The following CRYL1 variants were observed in gnomAD, a reference collection of about 807,000 sequenced individuals.
The protein encoded by CRYL1 is crystallin lambda 1, also known as lambda-crystallin homolog.
In CRYL1, 29 loss-of-function variants were observed where a neutral mutation model predicts 36.6. The ratio of observed to expected loss-of-function variants is 0.79; its 90% confidence interval spans 0.59 to 1.08. The LOEUF is 1.08. Among genes scored for constraint, CRYL1 ranks in the 50% least tolerant of loss-of-function variants. The pLI, the probability that CRYL1 is intolerant of heterozygous loss-of-function variation, is 0.00. For missense variants in CRYL1, 411 were observed against 407.9 expected (o/e 1.01, Z -0.06); for synonymous variants, 152 against 151.5 (o/e 1.00, Z -0.02).
chr13:20,412,253 C>T (rs936472333), intron 6 of CRYL1, among the ~76,000 whole-genome samples: 1 of 152,058 alleles, frequency 6.6e-6, no homozygotes, highest in Non-Finnish European at 1.5e-5. Context: ...ACTCCACTTC[C>T]GCCCCCACAA....
rs548376905 is a variant in CRYL1 at position 20,409,489 on chromosome 13, A to G, written c.739+3793T>C. 1.8e-3 allele frequency among the ~76,000 whole-genome samples: 269 copies of G among 150,684 alleles called. 2 individuals carry two copies. Among genetic ancestry groups the G allele is most frequent in the African/African-American group, 6.3e-3 (262 of 41,412 alleles). On this transcript the variant is annotated intron_variant, in intron 6 of 7. Transcript: ENST00000298248. ...AGGCATGGGCAAGGACTTCATGTCT[A>G]AAACACCAAAAGCAATGGCAACAAA...
intron 2 of CRYL1, among the ~76,000 whole-genome samples, chr13:20,491,660 G>A (rs546635587): frequency 4.7e-4 from 71 of 152,264 alleles, no homozygotes; most frequent in African/African-American, 1.6e-3. Context: ...GCGTGATGGT[G>A]CACACCTGTA....
intron 5 of CRYL1, among the ~76,000 whole-genome samples, chr13:20,417,146 T>C (rs977686136): frequency 1.3e-5 from 2 of 152,180 alleles, no homozygotes; most frequent in Admixed American, 1.3e-4. Flanking sequence ...AAGGCAAACG[T>C]TTGAGTTTCT....
In CRYL1 at chr13:20,415,068, C is replaced by T. The variant is rs1370085059; in HGVS notation, c.634-1681G>A. ...CGCGCCCTTCCCATCGCGGCCTGGG[C>T]GGGCCCGCCTGCCCTCGGCTGAGCC... On this transcript the variant is annotated intron_variant, in intron 5 of 7. Coordinates refer to ENST00000298248, the MANE Select transcript of CRYL1 (RefSeq NM_015974.3). This position sits in a 1 kb window ranked among gnomAD's most constrained non-coding sequence, Gnocchi z 4.1. Among the ~76,000 whole-genome samples the T allele has an allele frequency of 6.6e-6, 1 of 152,186 alleles. No homozygotes were observed.
chr13:20,451,039 C>T (rs1426198259), intron 3 of CRYL1, among the ~76,000 whole-genome samples: 1 of 138,030 alleles, frequency 7.2e-6, no homozygotes, highest in Non-Finnish European at 1.5e-5. Flanking sequence ...GGGTGGGGAA[C>T]ATCACACACC....
In CRYL1 at chr13:20,486,015, C is replaced by A. The variant is rs74672102; in HGVS notation, c.276+3355G>T. Among the ~76,000 whole-genome samples the A allele has an allele frequency of 2.6e-4, 39 of 152,200 alleles. No individual in the cohort carries two copies. The East Asian group carries it at 6.8e-3, about 27-fold the overall frequency. On this transcript the variant is annotated intron_variant, in intron 3 of 7. Coordinates refer to ENST00000298248, the MANE Select transcript of CRYL1 (RefSeq NM_015974.3). The stretch of plus-strand genomic sequence containing the variant: ...CCCACTGCAACCTCCACCTCCCAGA[C>A]TCAGGAAATCCTCCCACCTCAGCCT...
At chr13:20,485,076 G>C in intron 3 of CRYL1, among the ~76,000 whole-genome samples, 1 of 152,102 alleles carries the variant, frequency 6.6e-6, no homozygotes, top group East Asian at 1.9e-4. Flanking sequence ...GGAGTGCAGT[G>C]GCTCCATCTC....
Position 20,481,265 on chromosome 13 carries a change from A to G in CRYL1, c.276+8105T>C, listed in dbSNP as rs1207833094. Reference sequence around the variant, plus strand: ...TAGTAATGTCATACCACTCAGCAACAAATTACCAATCAACACAACCACACA... The same window carrying G: ...TAGTAATGTCATACCACTCAGCAACGAATTACCAATCAACACAACCACACA... On this transcript the variant is annotated intron_variant, in intron 3 of 7. Coordinates refer to ENST00000298248, the MANE Select transcript of CRYL1 (RefSeq NM_015974.3). The surrounding 1 kb of genome is among the most constrained non-coding windows in gnomAD (Gnocchi z 4.1). Among the ~76,000 whole-genome samples the G allele has an allele frequency of 1.3e-5, 2 of 152,224 alleles. No homozygotes were observed. The highest frequency in any genetic ancestry group is 2.9e-5 in the Non-Finnish European group (2 of 68,040).
intron 1 of CRYL1, among the ~76,000 whole-genome samples, chr13:20,519,220 T>A (rs2034054027): frequency 6.6e-6 from 1 of 150,766 alleles, no homozygotes; most frequent in African/African-American, 2.4e-5. Flanking sequence ...CAAAAGGGAG[T>A]GCCAGTGAGA....
intron 2 of CRYL1, among the ~76,000 whole-genome samples, chr13:20,510,858 T>C (rs61955507): frequency 1.3e-3 from 203 of 151,900 alleles, no homozygotes; most frequent in Middle Eastern, 3.4e-3. Context: ...GGCAAAAGGG[T>C]TTATTACGAG....
chr13:20,429,847 C>T (rs943474714), intron 5 of CRYL1, among the ~76,000 whole-genome samples: 1 of 152,168 alleles, frequency 6.6e-6, no homozygotes, highest in Admixed American at 6.5e-5. Flanking sequence ...CCTGGCTCTA[C>T]CCAATTAACA....
At chr13:20,507,919 CAA>C (rs765568009) in intron 2 of CRYL1, among the ~76,000 whole-genome samples, 1 of 110,886 alleles carries the variant, frequency 9.0e-6, no homozygotes. Context: ...CTTTTCATCT[CAA>C]AAAAAAAAAG....
chr13:20,488,556 A>C lies in CRYL1; in HGVS notation c.276+814T>G, dbSNP rs201787996. On this transcript the variant is annotated intron_variant, in intron 3 of 7. Transcript: ENST00000298248. ...AGAGCAGGAAATGACCAGAGAACAC[A>C]CACAGCCTTTTCGGTTTGCTTCCAA... Among the ~76,000 whole-genome samples, 11 of 152,372 alleles carry C rather than the reference A, an allele frequency of 7.2e-5. No individual in the cohort carries two copies. The East Asian group carries it at 1.9e-3, about 27-fold the overall frequency.
intron 2 of CRYL1, among the ~76,000 whole-genome samples, chr13:20,509,884 C>T (rs192211023): frequency 7.2e-5 from 11 of 152,264 alleles, no homozygotes; most frequent in Non-Finnish European, 1.3e-4. Context: ...GAGCCGAGAT[C>T]GTGCCATTGC....
chr13:20,467,296 A>G (rs1343772984), intron 3 of CRYL1, among the ~76,000 whole-genome samples: 2 of 152,194 alleles, frequency 1.3e-5, no homozygotes, highest in Non-Finnish European at 2.9e-5. Context: ...GTACTATGCT[A>G]TATATTATTT....
chr13:20,502,193 C>T (rs779156903), intron 2 of CRYL1, among the ~76,000 whole-genome samples: 38 of 152,292 alleles, frequency 2.5e-4, no homozygotes, highest in Admixed American at 1.0e-3. Context: ...CCTTAGACTT[C>T]GGGATCTGCA....
chr13:20,408,024 C>T (rs921817703), intron 6 of CRYL1, among the ~76,000 whole-genome samples: 3 of 152,192 alleles, frequency 2.0e-5, no homozygotes, highest in East Asian at 1.9e-4. Context: ...TTTTCTTTCA[C>T]GCAGCTATGA....
rs1023916885 is a variant in CRYL1 at position 20,507,370 on chromosome 13, G to C, written c.149+5073C>G. 1.3e-5 allele frequency among the ~76,000 whole-genome samples: 2 copies of C among 152,052 alleles called. 1 individual carries two copies. Among genetic ancestry groups the C allele is most frequent in the South Asian group, 4.2e-4 (2 of 4,818 alleles). The stretch of plus-strand genomic sequence containing the variant: ...TCTATGGCTGCTTTTACTTTACAAC[G>C]AACGGCTGAAACAGAGACCATATGA... On this transcript the variant is annotated intron_variant, in intron 2 of 7. Coordinates refer to ENST00000298248, the MANE Select transcript of CRYL1 (RefSeq NM_015974.3).
In CRYL1 at chr13:20,525,674, C is replaced by G; in HGVS notation, c.41+80G>C. On this transcript the variant is annotated intron_variant, in intron 1 of 7. Transcript: ENST00000298248. This position sits in a 1 kb window ranked among gnomAD's most constrained non-coding sequence, Gnocchi z 4.3. ...GGGGACAGCGACCCGGCGCCCACCC[C>G]GAGGGCCCCACGCGAGGGCACCACG... The G allele has an allele frequency of 8.4e-7, 1 of 1,186,362 alleles. No individual in the cohort carries two copies. The highest frequency in any genetic ancestry group is 3.9e-5 in the Admixed American group (1 of 25,712). 73.5% of individuals were successfully genotyped at this position (1,186,362 alleles called of 1,614,324 possible). A position where few individuals can be genotyped will look rare whatever the true frequency, so the allele number is the denominator to read the frequency against.
Sources: gnomAD v4.1 joint callset for allele counts (sites outside exome capture counted in the v4.1 genomes callset) on GRCh38, gnomAD v4.1.1 for gene constraint, Gnocchi (gnomAD v3.1) non-coding constraint, MANE v1.5 for transcripts, NCBI Gene and HGNC (gene_info 2026-07-23, HGNC 2026-07-21) for gene names.